ADD2: variants seen among roughly 807,000 people sequenced by gnomAD.
ADD2 encodes beta-adducin.
In ADD2, 23 loss-of-function variants were observed where a neutral mutation model predicts 83.0. The observed-to-expected ratio is 0.28, with a 90% CI of 0.20 to 0.39. The LOEUF is 0.39. Ranked by LOEUF, ADD2 falls within the 10% of genes least tolerant of loss-of-function variation. ADD2 has a pLI of 1.00. For synonymous variants in ADD2, 375 were observed against 375.4 expected (o/e 1.00, Z 0.01); for missense variants, 758 against 944.9 (o/e 0.80, Z 2.59).
chr2:70,717,929 G>A (rs190481778), intron 1 of ADD2, among the ~76,000 whole-genome samples: 23 of 152,248 alleles, frequency 1.5e-4, no homozygotes, highest in Non-Finnish European at 3.2e-4. Context: ...GATCATTTAA[G>A]CCAAAAATAG....
At chr2:70,707,382 A>G (rs1443847461) in intron 2 of ADD2, among the ~76,000 whole-genome samples, 1 of 152,268 alleles carries the variant, frequency 6.6e-6, no homozygotes, top group African/African-American at 2.4e-5. Flanking sequence ...TCCCTGGAGC[A>G]AGGACCACGA....
chr2:70,762,650 AT>A (rs1675178224), intron 1 of ADD2, among the ~76,000 whole-genome samples: 1 of 149,860 alleles, frequency 6.7e-6, no homozygotes, highest in South Asian at 2.1e-4. Flanking sequence ...TATTATATGG[AT>A]TTAAAGGGCA....
chr2:70,676,695 G>T lies in ADD2; in HGVS notation c.1593+101C>A. The stretch of plus-strand genomic sequence containing the variant: ...CCGGCACCCAAGATCACAGGGGAAG[G>T]TGGGTATGAGGACTCAGGGGTCCTG... On this transcript the variant is annotated intron_variant, in intron 13 of 15. Coordinates refer to ENST00000264436, the MANE Select transcript of ADD2 (RefSeq NM_001617.4). This position sits in a 1 kb window ranked among gnomAD's most constrained non-coding sequence, Gnocchi z 4.8. The T allele has an allele frequency of 6.4e-7, 1 of 1,550,460 alleles. No homozygotes were observed. Among genetic ancestry groups the T allele is most frequent in the Non-Finnish European group, 8.7e-7 (1 of 1,142,980 alleles).
intron 4 of ADD2, 58 bp downstream of exon 4, chr2:70,704,263 T>TCCCCCCCCCCCCCCCCCCACCCCCCCCCC: frequency 1.1e-6 from 1 of 913,238 alleles, no homozygotes; most frequent in Non-Finnish European, 1.7e-6. Flanking sequence ...CTCCCTCTCT[T>TCCCCCCCCCCCCCCCCCCACCCCCCCCCC]CCCCACCCCA....
chr2:70,767,823 G>A lies in ADD2; in HGVS notation c.-154+63C>T, dbSNP rs567304869. The A allele has an allele frequency of 1.5e-4, 236 of 1,529,282 alleles. No homozygotes were observed. In the African/African-American group the frequency reaches 2.7e-3, roughly 18 times the overall value. The allele number at this position is 1,529,282 out of a possible 1,614,324, so 94.7% of individuals were successfully genotyped here. On this transcript the variant is annotated intron_variant, in intron 1 of 15. Transcript: ENST00000264436. ...TCCCGCCCGGCCGAGGGATGCCAGGGTCTCCGCGCCAGGAGACCAGCGACC... is the reference window on the plus strand; with the variant it reads ...TCCCGCCCGGCCGAGGGATGCCAGGATCTCCGCGCCAGGAGACCAGCGACC...
At chr2:70,764,866 C>T (rs1435867755) in intron 1 of ADD2, among the ~76,000 whole-genome samples, 1 of 152,012 alleles carries the variant, frequency 6.6e-6, no homozygotes, top group Non-Finnish European at 1.5e-5. Flanking sequence ...ATACACAGAT[C>T]TTTCAAAATA....
In ADD2 at chr2:70,659,399, C is replaced by T. The variant is rs1675466532; in HGVS notation, c.*4026G>A. 6.6e-6 allele frequency: 1 copy of T among 152,204 alleles called. No individual in the cohort carries two copies. Among genetic ancestry groups the T allele is most frequent in the South Asian group, 2.1e-4 (1 of 4,828 alleles). The allele number at this position is 152,204 out of a possible 1,614,324, so 9.4% of individuals were successfully genotyped here. A position where few individuals can be genotyped will look rare whatever the true frequency, so the allele number is the denominator to read the frequency against. ...ACAACAATGCCAAACATCTGAATGA[C>T]TGTCTTGCCATGTCACCATGAGCAA... On this transcript the variant is annotated 3_prime_UTR_variant, in exon 16 of 16. Coordinates refer to ENST00000264436, the MANE Select transcript of ADD2 (RefSeq NM_001617.4).
intron 2 of ADD2, among the ~76,000 whole-genome samples, chr2:70,712,513 G>A (rs1204005640): frequency 6.6e-6 from 1 of 150,862 alleles, no homozygotes; most frequent in Admixed American, 6.6e-5. Flanking sequence ...ACTTGCTCAA[G>A]GTCACACAGA....
chr2:70,691,493 T>G (rs1553371648), intron 7 of ADD2: 3 of 152,242 alleles, frequency 2.0e-5, no homozygotes, highest in African/African-American at 7.2e-5. Context: ...CCCCTGGAAC[T>G]AGGACAATAC....
intron 6 of ADD2, among the ~76,000 whole-genome samples, chr2:70,693,633 C>T (rs1232667482): frequency 6.6e-6 from 1 of 152,200 alleles, no homozygotes; most frequent in African/African-American, 2.4e-5. Context: ...TCACAGACTT[C>T]AAAGCAGCGT....
rs1318439305 is a variant in ADD2 at position 70,713,204 on chromosome 2, C to A, written c.-153-20G>T. ...TGGAAACTGCAAAACACAAACACGA[C>A]AAGTGTCAGGGCCTGCACCACCATG... On this transcript the variant is annotated intron_variant, in intron 1 of 15. Transcript: ENST00000264436. 1.0e-6 allele frequency: 1 copy of A among 958,136 alleles called. No individual in the cohort carries two copies. The highest frequency in any genetic ancestry group is 1.2e-6 in the Non-Finnish European group (1 of 805,224). 59.4% of individuals were successfully genotyped at this position (958,136 alleles called of 1,614,324 possible).
chr2:70,712,464 A>AAAT (rs1672241775), intron 2 of ADD2, among the ~76,000 whole-genome samples: 1 of 134,814 alleles, frequency 7.4e-6, no homozygotes, highest in Non-Finnish European at 1.5e-5. Context: ...AATAAATAAA[A>AAAT]AAAAAAAAAA....
chr2:70,674,312 G>A (rs1553367766), intron 14 of ADD2, among the ~76,000 whole-genome samples: 1 of 152,160 alleles, frequency 6.6e-6, no homozygotes, highest in Non-Finnish European at 1.5e-5. Context: ...GTCAGCTGGT[G>A]GAGGGTTTTG....
At chr2:70,680,150 A>G (rs1574232979) in intron 10 of ADD2, among the ~76,000 whole-genome samples, 2 of 152,156 alleles carry the variant, frequency 1.3e-5, no homozygotes, top group Admixed American at 6.6e-5. Flanking sequence ...CATCAAAAAC[A>G]TAAGTCTATG....
chr2:70,757,080 G>A (rs1316234780), intron 1 of ADD2, among the ~76,000 whole-genome samples: 1 of 152,054 alleles, frequency 6.6e-6, no homozygotes, highest in Admixed American at 6.6e-5. Flanking sequence ...CATCTGCCTC[G>A]GCCTCCCAAA....
chr2:70,724,035 C>A (rs1402938285), intron 1 of ADD2, among the ~76,000 whole-genome samples: 3 of 152,320 alleles, frequency 2.0e-5, no homozygotes, highest in East Asian at 3.9e-4. Flanking sequence ...CAAAAGTGCC[C>A]AGTGATGAGG....
At chr2:70,720,825 A>G (rs1323045225) in intron 1 of ADD2, among the ~76,000 whole-genome samples, 6 of 152,224 alleles carry the variant, frequency 3.9e-5, no homozygotes, top group African/African-American at 1.2e-4. Context: ...GCCAGCAGAA[A>G]GTAAGCAGAA....
intron 4 of ADD2, among the ~76,000 whole-genome samples, chr2:70,703,351 T>C (rs1671710614): frequency 6.6e-6 from 1 of 152,126 alleles, no homozygotes; most frequent in African/African-American, 2.4e-5. Context: ...GTATTATTTG[T>C]CACCTACTGA....
At chr2:70,737,290 G>A (rs1444306318) in intron 1 of ADD2, among the ~76,000 whole-genome samples, 1 of 152,130 alleles carries the variant, frequency 6.6e-6, no homozygotes, top group African/African-American at 2.4e-5. Flanking sequence ...GTTTATTGTG[G>A]CACTATTCAC....
Sources: allele counts gnomAD v4.1 joint callset (sites outside exome capture counted in the v4.1 genomes callset), GRCh38; gene constraint gnomAD v4.1.1; non-coding constraint Gnocchi (gnomAD v3.1); transcripts MANE v1.5; gene names NCBI Gene and HGNC (gene_info 2026-07-23, HGNC 2026-07-21).